MAP2: variants seen among roughly 807,000 people sequenced by gnomAD.
MAP2 encodes the protein microtubule-associated protein 2.
Under a neutral mutation model 137.6 loss-of-function variants are expected in MAP2, and 14 were observed. The observed-to-expected ratio is 0.10, with a 90% CI of 0.07 to 0.16. The LOEUF (loss-of-function observed/expected upper bound fraction) is 0.16, where lower values mean the gene tolerates loss of function less well. Among genes scored for constraint, MAP2 ranks in the 10% least tolerant of loss-of-function variants. MAP2 has a pLI of 1.00. For synonymous variants in MAP2, 786 were observed against 782.3 expected (o/e 1.00, Z -0.08); for missense variants, 2,088 against 2,191.5 (o/e 0.95, Z 0.94).
intron 13 of MAP2, among the ~76,000 whole-genome samples, chr2:209,721,274 C>A (rs2153802961): frequency 6.6e-6 from 1 of 152,198 alleles, no homozygotes; most frequent in Non-Finnish European, 1.5e-5. Context: ...AAACAAAGGT[C>A]TAGAGAGGCC....
At chr2:209,567,783 T>G (rs1185588180) in intron 2 of MAP2, among the ~76,000 whole-genome samples, 1 of 152,100 alleles carries the variant, frequency 6.6e-6, no homozygotes, top group Non-Finnish European at 1.5e-5. Flanking sequence ...AATATACATA[T>G]ATAGGCATTG....
intron 6 of MAP2, 134 bp downstream of exon 6, chr2:209,678,819 G>T: frequency 2.1e-6 from 1 of 470,190 alleles, no homozygotes. Flanking sequence ...CACCTTGACT[G>T]GGTATGCACT....
chr2:209,598,797 A>C (rs1188974245), intron 3 of MAP2, among the ~76,000 whole-genome samples: 12 of 150,306 alleles, frequency 8.0e-5, no homozygotes, highest in East Asian at 1.9e-4. Context: ...TTATGGCTGC[A>C]TAGTATTCCA....
At chr2:209,506,827 C>T (rs13030060) in intron 1 of MAP2, among the ~76,000 whole-genome samples, 4,607 of 152,252 alleles carry the variant, frequency 0.03, 87 homozygotes, top group South Asian at 0.069. Context: ...TTCAGATTCT[C>T]TGTGCATATT....
chr2:209,671,782 G>T lies in MAP2; in HGVS notation c.263-6790G>T, dbSNP rs1461494115. 4.6e-5 allele frequency among the ~76,000 whole-genome samples: 7 copies of T among 151,700 alleles called. 1 individual carries two copies. In the South Asian group the frequency reaches 1.5e-3, roughly 31 times the overall value. ...TCTCAAGCATATGCCAAGGTGCTTG[G>T]ATTTTTTTTATTCACAGTCTAATTG... On this transcript the variant is annotated intron_variant, in intron 5 of 15. Coordinates refer to ENST00000682079, the MANE Select transcript of MAP2 (RefSeq NM_001375505.1).
intron 2 of MAP2, among the ~76,000 whole-genome samples, chr2:209,574,502 C>A (rs1458437135): frequency 6.6e-6 from 1 of 151,824 alleles, no homozygotes; most frequent in Non-Finnish European, 1.5e-5. Context: ...CATCCATCTA[C>A]AGACACTTAG....
intron 4 of MAP2, among the ~76,000 whole-genome samples, chr2:209,625,969 A>G (rs2092244190): frequency 6.6e-6 from 1 of 152,124 alleles, no homozygotes. Context: ...TAAATGAATG[A>G]TTTCTTATTC....
At chr2:209,430,402 A>G (rs986208161) in intron 1 of MAP2, among the ~76,000 whole-genome samples, 1 of 151,892 alleles carries the variant, frequency 6.6e-6, no homozygotes, top group Non-Finnish European at 1.5e-5. Flanking sequence ...ATTACTTTCT[A>G]AGATAGAGTT....
intron 5 of MAP2, among the ~76,000 whole-genome samples, chr2:209,676,176 G>T (rs1197291924): frequency 1.3e-5 from 2 of 151,782 alleles, no homozygotes; most frequent in Non-Finnish European, 2.9e-5. Context: ...AAGAAAATGT[G>T]GTACATATAC....
chr2:209,572,345 T>A (rs1413294428), intron 2 of MAP2, among the ~76,000 whole-genome samples: 1 of 152,158 alleles, frequency 6.6e-6, no homozygotes, highest in Non-Finnish European at 1.5e-5. Flanking sequence ...TTGCTTTTTA[T>A]AAATATACTT....
chr2:209,479,692 T>G (rs969777593), intron 1 of MAP2, among the ~76,000 whole-genome samples: 3 of 152,266 alleles, frequency 2.0e-5, no homozygotes, highest in Admixed American at 6.5e-5. Flanking sequence ...TGGCTTGAGA[T>G]AGAAAATAGC....
chr2:209,692,613 C>G lies in MAP2; in HGVS notation c.455-12C>G. The G allele has an allele frequency of 1.3e-6, 2 of 1,535,810 alleles. No individual in the cohort carries two copies. The highest frequency in any genetic ancestry group is 1.7e-6 in the Non-Finnish European group (2 of 1,146,350). ...CCTATTATTTGTTTAAAAATCAACC[C>G]GATTACTTCAGATTTACTTACAGCC... On this transcript the variant is annotated splice_polypyrimidine_tract_variant and intron_variant, in intron 7 of 15. Transcript: ENST00000682079.
At chr2:209,426,030 T>C (rs1223135676) in intron 1 of MAP2, among the ~76,000 whole-genome samples, 1 of 152,192 alleles carries the variant, frequency 6.6e-6, no homozygotes, top group African/African-American at 2.4e-5. Flanking sequence ...GTAAGGATTA[T>C]TATATTTGTG....
intron 3 of MAP2, among the ~76,000 whole-genome samples, chr2:209,605,114 A>G (rs1559394519): frequency 6.6e-6 from 1 of 152,184 alleles, no homozygotes; most frequent in Non-Finnish European, 1.5e-5. Context: ...TATAAAGGTA[A>G]CTAGGCTGTT....
chr2:209,710,147 A>G lies in MAP2; in HGVS notation c.4966A>G (p.Thr1656Ala). 6.2e-7 allele frequency: 1 copy of G among 1,613,052 alleles called. No homozygotes were observed. Among genetic ancestry groups the G allele is most frequent in the Non-Finnish European group, 8.5e-7 (1 of 1,179,874 alleles). ...IIRTPPKSPA[T>A]PKQLRLINQP... is the part of the protein sequence containing the mutation. ...ACGTACTCCTCCAAAATCTCCTGCGACTCCCAAGCAGCTTCGGCTTATTAA... is the reference window on the plus strand; with the variant it reads ...ACGTACTCCTCCAAAATCTCCTGCGGCTCCCAAGCAGCTTCGGCTTATTAA... The change falls in exon 13 of 16, where the codon ACT (threonine) becomes GCT (alanine). Residue 1656 changes from threonine (T) to alanine (A), a missense_variant. This residue lies in a region of MAP2 where 591 missense variants were observed against 642.6 expected (regional missense o/e 0.92). Transcript: ENST00000682079.
intron 2 of MAP2, among the ~76,000 whole-genome samples, chr2:209,568,763 A>T (rs1306345560): frequency 2.0e-5 from 3 of 151,882 alleles, no homozygotes; most frequent in African/African-American, 7.2e-5. Context: ...GATTAAATGA[A>T]GGTTCATTTC....
chr2:209,526,072 C>T (rs148908221), intron 2 of MAP2, among the ~76,000 whole-genome samples: 1 of 152,136 alleles, frequency 6.6e-6, no homozygotes, highest in Non-Finnish European at 1.5e-5. Context: ...TATTTTCAAG[C>T]TTAAAAAGCA....
chr2:209,517,218 T>C (rs1211802817), intron 2 of MAP2, among the ~76,000 whole-genome samples: 1 of 152,104 alleles, frequency 6.6e-6, no homozygotes. Flanking sequence ...GATTTTCTTA[T>C]ATTTAGATAG....
chr2:209,546,922 G>A (rs1362480512), intron 2 of MAP2, among the ~76,000 whole-genome samples: 1 of 152,070 alleles, frequency 6.6e-6, no homozygotes, highest in African/African-American at 2.4e-5. Flanking sequence ...CTAGCCAGTG[G>A]CTAGGAAAAT....
Sources: gnomAD v4.1 joint callset for allele counts (sites outside exome capture counted in the v4.1 genomes callset) on GRCh38, gnomAD v4.1.1 for gene constraint, gnomAD v4.1.1 regional missense constraint, MANE v1.5 for transcripts, NCBI Gene and HGNC (gene_info 2026-07-23, HGNC 2026-07-21) for gene names.